The following DCLK1 variants were observed in gnomAD, a reference collection of about 807,000 sequenced individuals.
The protein encoded by DCLK1 is doublecortin like kinase 1, also known as serine/threonine-protein kinase DCLK1.
Under a neutral mutation model 86.2 loss-of-function variants are expected in DCLK1, and 16 were observed. The observed-to-expected ratio is 0.19, with a 90% CI of 0.13 to 0.28. DCLK1 has a LOEUF of 0.28. DCLK1 is among the 10% of genes least tolerant of loss of function. DCLK1 has a pLI of 1.00. For synonymous variants in DCLK1, 369 were observed against 370.5 expected (o/e 1.00, Z 0.05); for missense variants, 590 against 940.2 (o/e 0.63, Z 4.87).
At chr13:36,113,341 T>C (rs889708816) in intron 2 of DCLK1, among the ~76,000 whole-genome samples, 1 of 152,210 alleles carries the variant, frequency 6.6e-6, no homozygotes, top group Non-Finnish European at 1.5e-5. Context: ...TTGCAGATGT[T>C]CTTAAAATAT....
chr13:36,108,687 A>G (rs1885495648), intron 3 of DCLK1, among the ~76,000 whole-genome samples: 1 of 152,246 alleles, frequency 6.6e-6, no homozygotes, highest in Non-Finnish European at 1.5e-5. Flanking sequence ...AAAGCACTCA[A>G]GCAATTCATT....
chr13:36,060,059 T>C (rs1308431073), intron 3 of DCLK1, among the ~76,000 whole-genome samples: 1 of 151,786 alleles, frequency 6.6e-6, no homozygotes, highest in Non-Finnish European at 1.5e-5. Context: ...TTAGTAGAGA[T>C]GGGGTTTCAC....
intron 4 of DCLK1, among the ~76,000 whole-genome samples, chr13:35,923,232 G>T (rs1226443807): frequency 1.3e-5 from 2 of 152,164 alleles, no homozygotes; most frequent in Admixed American, 1.3e-4. Context: ...AACTGATGGG[G>T]ACTTTAGAGA....
At chr13:35,782,840 G>A (rs1458390197) in intron 16 of DCLK1, among the ~76,000 whole-genome samples, 1 of 152,218 alleles carries the variant, frequency 6.6e-6, no homozygotes, top group Non-Finnish European at 1.5e-5. Context: ...AAAGGGTGTT[G>A]GAAAACTCTT....
At chr13:36,065,499 T>A (rs572098723) in intron 3 of DCLK1, among the ~76,000 whole-genome samples, 1 of 152,232 alleles carries the variant, frequency 6.6e-6, no homozygotes, top group Non-Finnish European at 1.5e-5. Context: ...TCATATGATA[T>A]ATTTCAATAT....
chr13:36,077,042 T>C (rs565172374), intron 3 of DCLK1, among the ~76,000 whole-genome samples: 6 of 152,194 alleles, frequency 3.9e-5, no homozygotes, highest in African/African-American at 1.4e-4. Context: ...GGAGAAAATA[T>C]AGGTAGAAGA....
intron 3 of DCLK1, among the ~76,000 whole-genome samples, chr13:35,988,006 C>T (rs1432289678): frequency 3.3e-5 from 5 of 152,322 alleles, no homozygotes; most frequent in Admixed American, 2.6e-4. Context: ...CTGGTGAAGG[C>T]AGCCCCAGCC....
chr13:35,893,904 A>G (rs1873792638), intron 4 of DCLK1, among the ~76,000 whole-genome samples: 1 of 152,188 alleles, frequency 6.6e-6, no homozygotes, highest in Non-Finnish European at 1.5e-5. Flanking sequence ...GGTGATGCCA[A>G]ATCACCACAG....
chr13:36,067,340 T>C (rs1166380675), intron 3 of DCLK1, among the ~76,000 whole-genome samples: 2 of 146,518 alleles, frequency 1.4e-5, no homozygotes, highest in East Asian at 2.1e-4. Flanking sequence ...TTCTCACTCA[T>C]AGGCGGGAAC....
intron 3 of DCLK1, among the ~76,000 whole-genome samples, chr13:35,976,096 C>T (rs1325859814): frequency 6.6e-6 from 1 of 152,180 alleles, no homozygotes; most frequent in African/African-American, 2.4e-5. Context: ...AGATTGAGCT[C>T]ACTGTTTTCC....
chr13:35,775,871 C>T (rs2086416206), intron 16 of DCLK1, among the ~76,000 whole-genome samples: 1 of 152,106 alleles, frequency 6.6e-6, no homozygotes, highest in Admixed American at 6.5e-5. Flanking sequence ...AGCATTAGGG[C>T]AATCTTAGAT....
intron 3 of DCLK1, among the ~76,000 whole-genome samples, chr13:36,067,964 T>C (rs1883826900): frequency 1.3e-5 from 2 of 152,196 alleles, no homozygotes; most frequent in Non-Finnish European, 2.9e-5. Flanking sequence ...CTGGTCTACA[T>C]ATTAGGGAGC....
intron 3 of DCLK1, among the ~76,000 whole-genome samples, chr13:36,008,439 G>A (rs1434624507): frequency 9.8e-6 from 1 of 102,294 alleles, no homozygotes; most frequent in African/African-American, 4.0e-5. Flanking sequence ...TGATCTCATT[G>A]TTCAATTCCC....
At chr13:36,008,154 T>C (rs1307638650) in intron 3 of DCLK1, among the ~76,000 whole-genome samples, 5 of 100,556 alleles carry the variant, frequency 5.0e-5, no homozygotes, top group African/African-American at 1.9e-4. Flanking sequence ...TTTTTTTTTT[T>C]TTTTGGTCTC....
intron 3 of DCLK1, among the ~76,000 whole-genome samples, chr13:35,990,775 T>C (rs1421758921): frequency 7.2e-6 from 1 of 139,206 alleles, no homozygotes; most frequent in Non-Finnish European, 1.6e-5. Flanking sequence ...TTTTTGTTGG[T>C]TTTTAAACAG....
intron 3 of DCLK1, among the ~76,000 whole-genome samples, chr13:36,049,705 T>C (rs1883058395): frequency 6.6e-6 from 1 of 152,182 alleles, no homozygotes; most frequent in South Asian, 2.1e-4. Context: ...TTTAATTTTC[T>C]TTGAAATCAT....
intron 3 of DCLK1, among the ~76,000 whole-genome samples, chr13:36,034,201 T>C (rs1882399203): frequency 6.6e-6 from 1 of 152,182 alleles, no homozygotes; most frequent in Non-Finnish European, 1.5e-5. Flanking sequence ...ATCGTGTATA[T>C]TAATGCAATC....
chr13:35,969,031 A>G (rs1021363638), intron 3 of DCLK1, among the ~76,000 whole-genome samples: 3 of 152,220 alleles, frequency 2.0e-5, no homozygotes, highest in Admixed American at 1.3e-4. Context: ...AAAATGCTAC[A>G]TGTTAAAAGA....
At chr13:36,051,767 C>T (rs1883131525) in intron 3 of DCLK1, among the ~76,000 whole-genome samples, 1 of 152,088 alleles carries the variant, frequency 6.6e-6, no homozygotes, top group Non-Finnish European at 1.5e-5. Flanking sequence ...TACTATTCAG[C>T]CTCACCTTTC....
Sources: allele counts gnomAD v4.1 joint callset (sites outside exome capture counted in the v4.1 genomes callset), GRCh38; gene constraint gnomAD v4.1.1; transcripts MANE v1.5; gene names NCBI Gene and HGNC (gene_info 2026-07-23, HGNC 2026-07-21).